COBL: variants seen among roughly 807,000 people sequenced by gnomAD.
COBL encodes the protein protein cordon-bleu.
COBL carries 51 observed loss-of-function variants against 98.8 expected under a neutral mutation model. The ratio of observed to expected loss-of-function variants is 0.52; its 90% CI spans 0.41 to 0.65. The LOEUF (loss-of-function observed/expected upper bound fraction) is 0.65. Ranked by LOEUF, COBL falls within the 30% of genes least tolerant of loss-of-function variation. The probability of loss-of-function intolerance (pLI) is 0.00; values close to 1 mark genes in which losing one functional copy is unlikely to be tolerated. For synonymous variants in COBL, 634 were observed against 651.7 expected (o/e 0.97, Z 0.41); for missense variants, 1,617 against 1,617.5 (o/e 1.00, Z 0.01).
chr7:51,280,294 C>T (rs904755554), intron 1 of COBL, among the ~76,000 whole-genome samples: 35 of 152,084 alleles, frequency 2.3e-4, no homozygotes, highest in African/African-American at 8.2e-4. Flanking sequence ...GGAATGGGTC[C>T]CCTAATGTTT....
At position 51,029,277 on chromosome 7, in the gene COBL, C is replaced by T. The variant is rs2240090; in HGVS notation, c.1819G>A (p.Val607Ile). 1,042,048 of 1,606,620 alleles carry T rather than the reference C, an allele frequency of 0.65. 340,652 individuals are homozygous for T. The highest frequency in any genetic ancestry group is 0.69 in the African/African-American group (51,921 of 74,732). Residue 607 changes from valine to isoleucine, a missense_variant, in exon 10 of 13, where the codon GTC becomes ATC. Val to Ile is a conservative substitution (Grantham distance 29, BLOSUM62 3). Transcript: ENST00000265136. ...VPALHPASHDVGKGIRVALSN... is the reference protein window; with the variant it reads ...VPALHPASHDIGKGIRVALSN... ...AAGGCCACACGGATTCCTTTTCCGA[C>T]GTCATGGGAAGCGGGGTGCAGGGCA...
At chr7:51,201,672 A>G (rs1173019991) in intron 2 of COBL, among the ~76,000 whole-genome samples, 2 of 152,214 alleles carry the variant, frequency 1.3e-5, no homozygotes, top group East Asian at 3.8e-4. Flanking sequence ...TCTTCTCAAG[A>G]GCATGTGGAA....
At chr7:51,276,087 G>A (rs1180987171) in intron 1 of COBL, among the ~76,000 whole-genome samples, 2 of 152,184 alleles carry the variant, frequency 1.3e-5, no homozygotes, top group Admixed American at 1.3e-4. Flanking sequence ...ATGAAAATGT[G>A]CACTGAGGCT....
Position 51,017,054 on chromosome 7 carries a change from T to C in COBL, c.*497A>G. ...GAAAAGCCTCCCAATTTTTTTTTCTTACTACCAAAACACACAGCATCATGG... is the reference window on the plus strand; with the variant it reads ...GAAAAGCCTCCCAATTTTTTTTTCTCACTACCAAAACACACAGCATCATGG... On this transcript the variant is annotated 3_prime_UTR_variant, in exon 13 of 13. Coordinates refer to ENST00000265136, the MANE Select transcript of COBL (RefSeq NM_015198.5). 1 of 401,896 alleles carries C rather than the reference T, an allele frequency of 2.5e-6. No individual in the cohort carries two copies. Among genetic ancestry groups the C allele is most frequent in the Non-Finnish European group, 4.4e-6 (1 of 228,188 alleles). The allele number at this position is 401,896 out of a possible 1,614,324, so 24.9% of individuals were successfully genotyped here. A position where few individuals can be genotyped will look rare whatever the true frequency, so the allele number is the denominator to read the frequency against.
chr7:51,138,482 G>A (rs1314775654), intron 5 of COBL, among the ~76,000 whole-genome samples: 3 of 152,166 alleles, frequency 2.0e-5, no homozygotes, highest in Non-Finnish European at 4.4e-5. Context: ...AGCTGGAAAG[G>A]TGTTTTGCTG....
intron 1 of COBL, among the ~76,000 whole-genome samples, chr7:51,310,245 A>T (rs1055312215): frequency 3.3e-5 from 5 of 152,196 alleles, no homozygotes; most frequent in Admixed American, 2.0e-4. Flanking sequence ...TGGCAGAAGC[A>T]TCATCAGACA....
chr7:51,306,810 G>A (rs903404639), intron 1 of COBL, among the ~76,000 whole-genome samples: 14 of 152,162 alleles, frequency 9.2e-5, no homozygotes, highest in East Asian at 1.9e-4. Flanking sequence ...GGAATAAGTC[G>A]TAAGAATGTC....
At chr7:51,128,611 CA>C (rs1798445841) in intron 6 of COBL, among the ~76,000 whole-genome samples, 2 of 152,216 alleles carry the variant, frequency 1.3e-5, no homozygotes, top group Non-Finnish European at 2.9e-5. Flanking sequence ...TTACAGAAAG[CA>C]GAAGCTCGGC....
intron 2 of COBL, among the ~76,000 whole-genome samples, chr7:51,200,435 C>T (rs756595494): frequency 1.1e-4 from 17 of 152,068 alleles, no homozygotes; most frequent in Non-Finnish European, 7.4e-5. Flanking sequence ...CATAAATTTG[C>T]TAATGGAAAT....
intron 1 of COBL, among the ~76,000 whole-genome samples, chr7:51,247,380 C>T (rs1796350672): frequency 6.6e-6 from 1 of 152,210 alleles, no homozygotes; most frequent in Non-Finnish European, 1.5e-5. Flanking sequence ...TGGACAGGAT[C>T]TCCTGAGGTT....
intron 5 of COBL, among the ~76,000 whole-genome samples, chr7:51,161,622 G>A (rs1786813023): frequency 6.7e-6 from 1 of 149,892 alleles, no homozygotes; most frequent in Non-Finnish European, 1.5e-5. Context: ...GGTTTATTTT[G>A]TTGTTTGCTT....
intron 1 of COBL, chr7:51,316,335 C>T (rs1301625987): frequency 6.6e-6 from 2 of 304,356 alleles, no homozygotes; most frequent in African/African-American, 2.2e-5. Flanking sequence ...ATACAAACCA[C>T]CCCGCGCGAA....
At chr7:51,122,238 T>C (rs1415897955) in intron 6 of COBL, among the ~76,000 whole-genome samples, 1 of 152,238 alleles carries the variant, frequency 6.6e-6, no homozygotes, top group African/African-American at 2.4e-5. Context: ...GCAACTAAAA[T>C]AGCTCCAGCT....
chr7:51,104,428 TAG>T (rs1164905292), intron 6 of COBL, among the ~76,000 whole-genome samples: 3 of 152,192 alleles, frequency 2.0e-5, no homozygotes, highest in African/African-American at 7.2e-5. Context: ...TTGCAGGGCT[TAG>T]AGTCTGGTGT....
intron 2 of COBL, among the ~76,000 whole-genome samples, chr7:51,198,243 C>A (rs1244284321): frequency 2.6e-5 from 4 of 152,094 alleles, no homozygotes; most frequent in Admixed American, 6.6e-5. Flanking sequence ...TGAAACAGAT[C>A]TTATTTCTCC....
intron 5 of COBL, among the ~76,000 whole-genome samples, chr7:51,149,587 T>C (rs893597081): frequency 6.6e-5 from 10 of 152,218 alleles, no homozygotes; most frequent in African/African-American, 2.2e-4. Flanking sequence ...ATTTCACTAT[T>C]TGTCTCAGAA....
At chr7:51,095,974 A>T (rs1795237705) in intron 6 of COBL, among the ~76,000 whole-genome samples, 2 of 152,230 alleles carry the variant, frequency 1.3e-5, no homozygotes, top group South Asian at 2.1e-4. Context: ...AATAATGAAT[A>T]GATTAACCAG....
intron 6 of COBL, among the ~76,000 whole-genome samples, chr7:51,100,876 C>A (rs1287555696): frequency 6.6e-6 from 1 of 151,880 alleles, no homozygotes; most frequent in South Asian, 2.1e-4. Flanking sequence ...GCACTCCAGC[C>A]TGGGTGACAC....
At chr7:51,139,586 G>A (rs539759616) in intron 5 of COBL, among the ~76,000 whole-genome samples, 9 of 152,284 alleles carry the variant, frequency 5.9e-5, no homozygotes, top group African/African-American at 2.2e-4. Flanking sequence ...GTGGTCCTGA[G>A]CCACCAGACC....
Sources: gnomAD v4.1 joint callset for allele counts (sites outside exome capture counted in the v4.1 genomes callset) on GRCh38, gnomAD v4.1.1 for gene constraint, MANE v1.5 for transcripts, NCBI Gene and HGNC (gene_info 2026-07-23, HGNC 2026-07-21) for gene names.